The following KCNIP4 variants were observed in gnomAD, a reference collection of about 807,000 sequenced individuals.
The protein encoded by KCNIP4 is Kv channel-interacting protein 4.
A neutral mutation model predicts 34.0 loss-of-function variants in KCNIP4; 12 were observed. That is an observed-to-expected ratio of 0.35 (90% CI 0.23 to 0.57). KCNIP4 has a LOEUF of 0.57. Ranked by LOEUF, KCNIP4 falls within the 20% of genes least tolerant of loss-of-function variation. The pLI is 0.83. For synonymous variants in KCNIP4, 124 were observed against 102.2 expected (o/e 1.21, Z -1.29); for missense variants, 238 against 311.7 (o/e 0.76, Z 1.78).
chr4:21,221,847 G>C (rs1482924480), intron 1 of KCNIP4, among the ~76,000 whole-genome samples: 1 of 152,186 alleles, frequency 6.6e-6, no homozygotes, highest in Non-Finnish European at 1.5e-5. Context: ...AATCTAGGCA[G>C]CCCCATGAAT....
At chr4:21,880,138 C>G (rs931933765) in intron 1 of KCNIP4, among the ~76,000 whole-genome samples, 1 of 152,048 alleles carries the variant, frequency 6.6e-6, no homozygotes, top group Admixed American at 6.6e-5. Flanking sequence ...GACTGTCTTG[C>G]TTTTTAAGGA....
At chr4:21,589,038 A>G (rs964785393) in intron 1 of KCNIP4, among the ~76,000 whole-genome samples, 1 of 150,536 alleles carries the variant, frequency 6.6e-6, no homozygotes, top group African/African-American at 2.4e-5. Context: ...TCATATGGAA[A>G]TGGAAATAAT....
At chr4:21,197,228 T>C (rs1230899663) in intron 1 of KCNIP4, among the ~76,000 whole-genome samples, 1 of 152,228 alleles carries the variant, frequency 6.6e-6, no homozygotes, top group Admixed American at 6.5e-5. Context: ...TTCTTGCACA[T>C]ATCTTTTGAT....
At chr4:21,665,192 AC>A (rs1203277872) in intron 1 of KCNIP4, among the ~76,000 whole-genome samples, 5 of 152,074 alleles carry the variant, frequency 3.3e-5, no homozygotes, top group Non-Finnish European at 7.3e-5. Context: ...TAGCCAGCAT[AC>A]CCCCAAAGTT....
At chr4:21,225,319 C>A (rs566178750) in intron 1 of KCNIP4, among the ~76,000 whole-genome samples, 1 of 152,072 alleles carries the variant, frequency 6.6e-6, no homozygotes, top group Non-Finnish European at 1.5e-5. Flanking sequence ...AAAGGAAGAT[C>A]CTTTCAACCT....
chr4:20,929,865 TGAA>T lies in KCNIP4; in HGVS notation c.62-47159_62-47157del, dbSNP rs768706816. Among the ~76,000 whole-genome samples, 130 of 152,072 alleles carry T rather than the reference TGAA, an allele frequency of 8.5e-4. 1 individual carries two copies. The highest frequency in any genetic ancestry group is 1.4e-3 in the Non-Finnish European group (94 of 67,890). ...ACTATAAACCTTTGATAAAAAAAGT[TGAA>T]GAAGACACATATAAATAGAATAATA... On this transcript the variant is annotated intron_variant, in intron 1 of 8. Transcript: ENST00000382152.
At chr4:20,850,866 T>G (rs1560513743) in intron 2 of KCNIP4, 199 bp from the exon 3 acceptor site, 1 of 463,514 alleles carries the variant, frequency 2.2e-6, no homozygotes, top group Non-Finnish European at 3.7e-6. Flanking sequence ...ATGATTTTTT[T>G]GCATATTCTT....
intron 1 of KCNIP4, among the ~76,000 whole-genome samples, chr4:21,340,056 T>C (rs1008967384): frequency 4.6e-5 from 7 of 152,176 alleles, no homozygotes; most frequent in Non-Finnish European, 1.0e-4. Context: ...CTATTTTCCC[T>C]ACTTTACAAG....
chr4:21,306,094 G>GC (rs1712433594), intron 1 of KCNIP4, among the ~76,000 whole-genome samples: 1 of 152,172 alleles, frequency 6.6e-6, no homozygotes, highest in Admixed American at 6.5e-5. Context: ...CACACCAGAT[G>GC]CTTTAATGCA....
chr4:21,630,020 T>G lies in KCNIP4; in HGVS notation c.61+318551A>C, dbSNP rs1302373309. On this transcript the variant is annotated intron_variant, in intron 1 of 8. Transcript: ENST00000382152. ...CATGGACCACCACAGCTGGCTAATTTTTTTTTTTTTTTTTTTGACTTTTTG... is the reference window on the plus strand; with the variant it reads ...CATGGACCACCACAGCTGGCTAATTGTTTTTTTTTTTTTTTTGACTTTTTG... Among the ~76,000 whole-genome samples the G allele has an allele frequency of 4.4e-3, 249 of 56,112 alleles. 9 individuals are homozygous for G. The South Asian group carries it at 0.1, about 23-fold the overall frequency. 36.8% of individuals were successfully genotyped at this position (56,112 alleles called of 152,430 possible). A position where few individuals can be genotyped will look rare whatever the true frequency, so the allele number is the denominator to read the frequency against.
chr4:21,500,547 G>T (rs917783460), intron 1 of KCNIP4, among the ~76,000 whole-genome samples: 1 of 152,130 alleles, frequency 6.6e-6, no homozygotes, highest in Admixed American at 6.6e-5. Flanking sequence ...TTATGAAAAA[G>T]TACATGTAAG....
At chr4:20,905,533 A>G (rs557975129) in intron 1 of KCNIP4, among the ~76,000 whole-genome samples, 7 of 7,790 alleles carry the variant, frequency 9.0e-4, no homozygotes, top group African/African-American at 2.6e-3. Context: ...TTTGTTTGAG[A>G]TGGAGTCTTG....
intron 1 of KCNIP4, among the ~76,000 whole-genome samples, chr4:21,699,730 A>G (rs1712676683): frequency 6.6e-6 from 1 of 152,162 alleles, no homozygotes; most frequent in South Asian, 2.1e-4. Flanking sequence ...TTTCATGGAT[A>G]AAGTCCGGGG....
intron 1 of KCNIP4, among the ~76,000 whole-genome samples, chr4:21,704,392 A>C (rs1309795969): frequency 6.6e-6 from 1 of 152,184 alleles, no homozygotes; most frequent in Non-Finnish European, 1.5e-5. Context: ...ACTTTCACTC[A>C]TCAGAGACCC....
At chr4:21,556,564 T>C (rs1356379109) in intron 1 of KCNIP4, among the ~76,000 whole-genome samples, 3 of 152,120 alleles carry the variant, frequency 2.0e-5, no homozygotes, top group South Asian at 2.1e-4. Flanking sequence ...AACTTCTAGT[T>C]ACCTTGAAAT....
chr4:20,734,814 G>A (rs1749196465), intron 5 of KCNIP4, 79 bp from the exon 6 acceptor site: 1 of 718,168 alleles, frequency 1.4e-6, no homozygotes, highest in Non-Finnish European at 2.2e-6. Flanking sequence ...TGTAAGTAAG[G>A]GCTACAACCC....
intron 1 of KCNIP4, among the ~76,000 whole-genome samples, chr4:21,370,838 TATATATATATATACAC>T (rs1246944126): frequency 2.3e-4 from 7 of 30,792 alleles, no homozygotes; most frequent in East Asian, 5.6e-3. Flanking sequence ...TATATATATA[TATATATATATATACAC>T]ACACACACAC....
intron 2 of KCNIP4, among the ~76,000 whole-genome samples, chr4:20,867,090 A>G (rs1412721326): frequency 1.3e-5 from 2 of 152,122 alleles, no homozygotes; most frequent in Admixed American, 1.3e-4. Flanking sequence ...GCCCAATGCA[A>G]TTTATAGATT....
chr4:21,585,999 C>G (rs566011617), intron 1 of KCNIP4, among the ~76,000 whole-genome samples: 34 of 152,064 alleles, frequency 2.2e-4, no homozygotes, highest in Non-Finnish European at 4.0e-4. Context: ...TTTTTATGAA[C>G]AATAATGATA....
Sources: allele counts gnomAD v4.1 joint callset (sites outside exome capture counted in the v4.1 genomes callset), GRCh38; gene constraint gnomAD v4.1.1; transcripts MANE v1.5; gene names NCBI Gene and HGNC (gene_info 2026-07-23, HGNC 2026-07-21).